The following FBXL7 variants were observed in gnomAD, a reference collection of about 807,000 sequenced individuals.
FBXL7 encodes the protein F-box and leucine rich repeat protein 7.
FBXL7 carries 12 observed loss-of-function variants against 38.3 expected under a neutral mutation model. The ratio of observed to expected loss-of-function variants is 0.31; its 90% CI spans 0.20 to 0.51. The LOEUF (loss-of-function observed/expected upper bound fraction) is 0.51, where lower values mean the gene tolerates loss of function less well. Among genes scored for constraint, FBXL7 ranks in the 20% least tolerant of loss-of-function variants. The pLI is 0.98. For missense variants in FBXL7, 567 were observed against 676.4 expected (o/e 0.84, Z 1.79); for synonymous variants, 297 against 300.9 (o/e 0.99, Z 0.13).
chr5:15,776,972 ACT>A, intron 2 of FBXL7, among the ~76,000 whole-genome samples: 1 of 152,124 alleles, frequency 6.6e-6, no homozygotes, highest in South Asian at 2.1e-4. Flanking sequence ...CTTCTTAATC[ACT>A]CTGTATATGA....
At chr5:15,675,200 A>G (rs1742612938) in intron 2 of FBXL7, among the ~76,000 whole-genome samples, 2 of 152,228 alleles carry the variant, frequency 1.3e-5, no homozygotes, top group South Asian at 4.1e-4. Flanking sequence ...TCGTACTCAT[A>G]TATTAATTGA....
At chr5:15,569,690 C>T (rs1346194321) in intron 1 of FBXL7, among the ~76,000 whole-genome samples, 3 of 152,014 alleles carry the variant, frequency 2.0e-5, no homozygotes, top group Non-Finnish European at 4.4e-5. Flanking sequence ...GGAATGCTTC[C>T]AGTTTTTGTC....
intron 2 of FBXL7, among the ~76,000 whole-genome samples, chr5:15,734,568 C>G (rs1233306568): frequency 6.6e-6 from 1 of 152,232 alleles, no homozygotes; most frequent in Non-Finnish European, 1.5e-5. Context: ...TGTCCATTAA[C>G]CCTTCCCTCT....
intron 2 of FBXL7, among the ~76,000 whole-genome samples, chr5:15,764,608 C>A (rs1053338390): frequency 1.3e-5 from 2 of 152,322 alleles, no homozygotes; most frequent in East Asian, 3.9e-4. Flanking sequence ...GCCATGAGGC[C>A]AGACCAGTTA....
In FBXL7 at chr5:15,556,084, CATCTATCTATCTACCTATCT is replaced by C. The variant is rs369123827; in HGVS notation, c.37+55382_37+55401del. On this transcript the variant is annotated intron_variant, in intron 1 of 3. Coordinates refer to ENST00000504595, the MANE Select transcript of FBXL7 (RefSeq NM_012304.5). ...TTATCTTCATCTGTTTATTATCTAT[CATCTATCTATCTACCTATCT>C]ATCTATCTATATTGATCCATCAATT... is the stretch of plus-strand genomic sequence containing the variant. Among the ~76,000 whole-genome samples, 100 of 150,552 alleles carry C rather than the reference CATCTATCTATCTACCTATCT, an allele frequency of 6.6e-4. 1 individual carries two copies. Among genetic ancestry groups the C allele is most frequent in the African/African-American group, 2.3e-3 (94 of 40,858 alleles).
Position 15,808,788 on chromosome 5 carries a change from T to G in FBXL7, c.128-119102T>G, listed in dbSNP as rs1276454958. Among the ~76,000 whole-genome samples the G allele has an allele frequency of 2.6e-5, 4 of 152,290 alleles. No homozygotes were observed. In the East Asian group the frequency reaches 7.7e-4, roughly 29 times the overall value. ...ACAGTTCCTGACACACAGCAGGGACTCGGGGTGTGCAATCTAAATATAGCA... is the reference window on the plus strand; with the variant it reads ...ACAGTTCCTGACACACAGCAGGGACGCGGGGTGTGCAATCTAAATATAGCA... On this transcript the variant is annotated intron_variant, in intron 2 of 3. Transcript: ENST00000504595.
At chr5:15,576,949 G>A (rs1042746090) in intron 1 of FBXL7, among the ~76,000 whole-genome samples, 1 of 152,354 alleles carries the variant, frequency 6.6e-6, no homozygotes, top group African/African-American at 2.4e-5. Context: ...TAACACAGTG[G>A]TGTGAATATA....
At chr5:15,761,542 AT>A (rs1736439441) in intron 2 of FBXL7, among the ~76,000 whole-genome samples, 1 of 152,042 alleles carries the variant, frequency 6.6e-6, no homozygotes, top group African/African-American at 2.4e-5. Context: ...GTTGTAAATT[AT>A]TATTTATTTA....
intron 2 of FBXL7, among the ~76,000 whole-genome samples, chr5:15,683,224 A>G (rs16867540): frequency 0.56 from 85,758 of 152,018 alleles, 24,305 homozygotes; most frequent in East Asian, 0.7. Context: ...ACTCCCAGGA[A>G]ATTGTTTATT....
intron 2 of FBXL7, among the ~76,000 whole-genome samples, chr5:15,895,188 T>C (rs1741055940): frequency 6.6e-6 from 1 of 152,186 alleles, no homozygotes; most frequent in Non-Finnish European, 1.5e-5. Context: ...TACCTACCTA[T>C]GTTTGGAAAG....
chr5:15,521,460 T>C (rs1737094138), intron 1 of FBXL7, among the ~76,000 whole-genome samples: 1 of 152,192 alleles, frequency 6.6e-6, no homozygotes, highest in African/African-American at 2.4e-5. Flanking sequence ...AGGATGTTAC[T>C]GGTATTGTCA....
intron 2 of FBXL7, among the ~76,000 whole-genome samples, chr5:15,621,685 T>G (rs1391435057): frequency 6.6e-6 from 1 of 152,204 alleles, no homozygotes; most frequent in Non-Finnish European, 1.5e-5. Flanking sequence ...AAGGCAAAAC[T>G]GTCAGTTTAA....
chr5:15,835,357 G>C (rs900808626), intron 2 of FBXL7, among the ~76,000 whole-genome samples: 1 of 152,128 alleles, frequency 6.6e-6, no homozygotes, highest in African/African-American at 2.4e-5. Context: ...ATTAGACCTT[G>C]AATGAGAAAA....
intron 2 of FBXL7, among the ~76,000 whole-genome samples, chr5:15,848,581 C>A (rs1465251038): frequency 1.3e-5 from 2 of 152,142 alleles, no homozygotes; most frequent in Admixed American, 1.3e-4. Flanking sequence ...GGGGTTTCAC[C>A]ACGTTAGCCA....
At chr5:15,525,203 C>T (rs1737217656) in intron 1 of FBXL7, among the ~76,000 whole-genome samples, 1 of 152,164 alleles carries the variant, frequency 6.6e-6, no homozygotes. Flanking sequence ...CTGGCACCTC[C>T]TAAGTTTTAC....
chr5:15,756,917 T>C (rs1257043030), intron 2 of FBXL7, among the ~76,000 whole-genome samples: 2 of 152,212 alleles, frequency 1.3e-5, no homozygotes, highest in Non-Finnish European at 2.9e-5. Flanking sequence ...AGAAAATAAG[T>C]TTGGCAGCCT....
At chr5:15,867,537 T>C (rs1739768362) in intron 2 of FBXL7, among the ~76,000 whole-genome samples, 1 of 152,220 alleles carries the variant, frequency 6.6e-6, no homozygotes, top group South Asian at 2.1e-4. Context: ...AAAATGCCCC[T>C]CTGGGAAGTA....
chr5:15,727,746 T>G (rs892375103), intron 2 of FBXL7, among the ~76,000 whole-genome samples: 2 of 152,158 alleles, frequency 1.3e-5, no homozygotes, highest in Admixed American at 6.6e-5. Context: ...TCTTAGATAT[T>G]TATATTCATG....
At chr5:15,722,611 G>A (rs1485350639) in intron 2 of FBXL7, among the ~76,000 whole-genome samples, 1 of 152,132 alleles carries the variant, frequency 6.6e-6, no homozygotes, top group Admixed American at 6.6e-5. Flanking sequence ...TCATAGAAAT[G>A]TTCATACCAG....
Sources: allele counts gnomAD v4.1 joint callset (sites outside exome capture counted in the v4.1 genomes callset), GRCh38; gene constraint gnomAD v4.1.1; transcripts MANE v1.5; gene names NCBI Gene and HGNC (gene_info 2026-07-23, HGNC 2026-07-21).